The following MYCBP2 variants were observed in gnomAD, a reference collection of about 807,000 sequenced individuals.
The protein encoded by MYCBP2 is MYC binding protein 2.
In MYCBP2, 120 loss-of-function variants were observed where a neutral mutation model predicts 525.3. That is an observed-to-expected ratio of 0.23 (90% CI 0.20 to 0.27). The LOEUF (loss-of-function observed/expected upper bound fraction) is 0.27. MYCBP2 is among the 10% of genes least tolerant of loss of function. The pLI, the probability that MYCBP2 is intolerant of heterozygous loss-of-function variation, is 1.00. For synonymous variants in MYCBP2, 1,894 were observed against 1,955.8 expected (o/e 0.97, Z 0.83); for missense variants, 4,149 against 5,657.1 (o/e 0.73, Z 8.55).
At chr13:77,187,702 G>A (rs1367980897) in intron 30 of MYCBP2, among the ~76,000 whole-genome samples, 2 of 152,148 alleles carry the variant, frequency 1.3e-5, no homozygotes, top group East Asian at 3.9e-4. Context: ...CAAGCATGTT[G>A]TAGAGCATCC....
intron 5 of MYCBP2, among the ~76,000 whole-genome samples, chr13:77,271,920 C>T (rs962258469): frequency 1.3e-5 from 2 of 152,102 alleles, no homozygotes; most frequent in Non-Finnish European, 2.9e-5. Context: ...AGATAAAAGG[C>T]CAAATCATGA....
intron 46 of MYCBP2, among the ~76,000 whole-genome samples, chr13:77,155,401 G>C (rs1351623764): frequency 2.0e-5 from 3 of 152,024 alleles, no homozygotes; most frequent in African/African-American, 7.2e-5. Flanking sequence ...AGGAGGAAAG[G>C]GCTGGGGACT....
At chr13:77,289,272 A>G (rs1189723250) in intron 2 of MYCBP2, among the ~76,000 whole-genome samples, 1 of 152,130 alleles carries the variant, frequency 6.6e-6, no homozygotes, top group Non-Finnish European at 1.5e-5. Flanking sequence ...ACTTATGAAT[A>G]TATGTATAAG....
chr13:77,063,852 T>C (rs2039763516), intron 73 of MYCBP2, among the ~76,000 whole-genome samples: 1 of 152,150 alleles, frequency 6.6e-6, no homozygotes, highest in South Asian at 2.1e-4. Flanking sequence ...AGGATTACTG[T>C]CAAAAATACC....
rs1354799882 is a variant in MYCBP2 at position 77,098,170 on chromosome 13, C to T, written c.8984G>A (p.Arg2995Lys). 1 of 1,613,710 alleles carries T rather than the reference C, an allele frequency of 6.2e-7. No homozygotes were observed. Among genetic ancestry groups the T allele is most frequent in the South Asian group, 1.1e-5 (1 of 91,060 alleles). Residue 2995 changes from arginine to lysine, a missense_variant, in exon 56 of 83, where the codon AGA becomes AAA. This residue lies in a region of MYCBP2 where 653 missense variants were observed against 744.7 expected (regional missense o/e 0.88). Coordinates refer to ENST00000544440, the MANE Select transcript of MYCBP2 (RefSeq NM_015057.5). Reference sequence around the variant, plus strand: ...TTTTTCTTTTTTGGGCCTGGTGTGTCTATTAGCACATTTTCGACTTATTTT... The same window carrying T: ...TTTTTCTTTTTTGGGCCTGGTGTGTTTATTAGCACATTTTCGACTTATTTT... Reference protein sequence around the residue: ...SPKISRKCANRHTRPKKEKSS... With the variant: ...SPKISRKCANKHTRPKKEKSS...
At position 77,064,783 on chromosome 13, in the gene MYCBP2, C is replaced by A; in HGVS notation, c.12553-49G>T. The A allele has an allele frequency of 2.7e-6, 4 of 1,489,956 alleles. No homozygotes were observed. In the Admixed American group the frequency reaches 8.4e-5, roughly 31 times the overall value. The allele number at this position is 1,489,956 out of a possible 1,614,324, so 92.3% of individuals were successfully genotyped here. ...TAATAAGTGACCAGAAATGTATTAC[C>A]ATAGTAAACTCTTTTTTCTTAAATA... On this transcript the variant is annotated intron_variant, in intron 72 of 82. Coordinates refer to ENST00000544440, the MANE Select transcript of MYCBP2 (RefSeq NM_015057.5).
intron 1 of MYCBP2, among the ~76,000 whole-genome samples, chr13:77,300,840 A>G (rs1292065329): frequency 6.6e-6 from 1 of 152,210 alleles, no homozygotes; most frequent in Non-Finnish European, 1.5e-5. Context: ...ATGAGGACTA[A>G]AAGAACAAAA....
intron 49 of MYCBP2, among the ~76,000 whole-genome samples, chr13:77,143,219 G>A (rs1372908616): frequency 1.3e-5 from 2 of 152,184 alleles, no homozygotes; most frequent in African/African-American, 4.8e-5. Flanking sequence ...ACCTGGTAAG[G>A]CATTACTTTT....
At chr13:77,073,749 T>A (rs190507343) in intron 68 of MYCBP2, among the ~76,000 whole-genome samples, 1 of 152,016 alleles carries the variant, frequency 6.6e-6, no homozygotes, top group East Asian at 1.9e-4. Context: ...AAATGAACAA[T>A]TGGAAAGTGA....
chr13:77,315,175 A>G (rs920160688), intron 1 of MYCBP2, among the ~76,000 whole-genome samples: 1 of 152,274 alleles, frequency 6.6e-6, no homozygotes, highest in Non-Finnish European at 1.5e-5. Flanking sequence ...ATAAAATTCC[A>G]GGACCAGATG....
In MYCBP2 at chr13:77,061,133, G is replaced by T. The variant is rs1485595886; in HGVS notation, c.13036+36C>A. 9 of 1,573,390 alleles carry T rather than the reference G, an allele frequency of 5.7e-6. No homozygotes were observed. The Admixed American group carries it at 7.9e-5, about 14-fold the overall frequency. ...GGCACGGTTTAATCTTTTTTTGTGG[G>T]TTTTAAAGGCATGGCTCAATCTTTA... On this transcript the variant is annotated intron_variant, in intron 76 of 82. Coordinates refer to ENST00000544440, the MANE Select transcript of MYCBP2 (RefSeq NM_015057.5).
chr13:77,056,105 T>G (rs1364040596), intron 79 of MYCBP2, among the ~76,000 whole-genome samples: 21 of 90,328 alleles, frequency 2.3e-4, no homozygotes, highest in African/African-American at 8.2e-4. Flanking sequence ...GTTTGGTGTG[T>G]GTGTGTGTGT....
intron 52 of MYCBP2, among the ~76,000 whole-genome samples, chr13:77,135,201 G>A (rs1302141334): frequency 6.6e-6 from 1 of 152,100 alleles, no homozygotes; most frequent in Non-Finnish European, 1.5e-5. Flanking sequence ...TAGCAGCATT[G>A]GTGTTTGAAT....
chr13:77,271,347 T>C (rs2074865994), intron 5 of MYCBP2, among the ~76,000 whole-genome samples: 1 of 152,200 alleles, frequency 6.6e-6, no homozygotes, highest in Non-Finnish European at 1.5e-5. Context: ...AGAAAGGATT[T>C]CAGTGTCTTT....
At chr13:77,222,318 T>C (rs576806307) in intron 20 of MYCBP2, among the ~76,000 whole-genome samples, 3 of 152,336 alleles carry the variant, frequency 2.0e-5, no homozygotes, top group East Asian at 1.9e-4. Flanking sequence ...TTTGCAAGTA[T>C]GATATTAGTC....
chr13:77,320,384 T>C (rs549958564), intron 1 of MYCBP2, among the ~76,000 whole-genome samples: 35 of 152,354 alleles, frequency 2.3e-4, no homozygotes, highest in African/African-American at 7.9e-4. Flanking sequence ...TAAGCATTTA[T>C]GCTGCTGGAT....
chr13:77,131,755 C>G (rs1168750487), intron 52 of MYCBP2, among the ~76,000 whole-genome samples: 4 of 152,012 alleles, frequency 2.6e-5, no homozygotes, highest in Non-Finnish European at 4.4e-5. Context: ...TTCTCAAATA[C>G]TATTTTAAAG....
At chr13:77,085,911 A>T (rs948995138) in intron 62 of MYCBP2, among the ~76,000 whole-genome samples, 2 of 152,156 alleles carry the variant, frequency 1.3e-5, no homozygotes, top group African/African-American at 4.8e-5. Flanking sequence ...GCAGGAACAG[A>T]TAGCTGTTAC....
Position 77,175,778 on chromosome 13 carries a change from C to G in MYCBP2, c.5472+719G>C, listed in dbSNP as rs191857318. The stretch of plus-strand genomic sequence containing the variant: ...GAGTTCGAGACCAGCCTGGTCAACA[C>G]AGTGAAACCCCTCTACTAAAAATAC... On this transcript the variant is annotated intron_variant, in intron 36 of 82. Transcript: ENST00000544440. Among the ~76,000 whole-genome samples the G allele has an allele frequency of 1.9e-3, 293 of 151,936 alleles. 1 individual carries two copies. Among genetic ancestry groups the G allele is most frequent in the Non-Finnish European group, 3.0e-3 (207 of 67,940 alleles).
Sources: allele counts gnomAD v4.1 joint callset (sites outside exome capture counted in the v4.1 genomes callset), GRCh38; gene constraint gnomAD v4.1.1; regional missense constraint gnomAD v4.1.1; transcripts MANE v1.5; gene names NCBI Gene and HGNC (gene_info 2026-07-23, HGNC 2026-07-21).